NAB1: variants seen among roughly 807,000 people sequenced by gnomAD.
NAB1 encodes NGFI-A-binding protein 1.
A neutral mutation model predicts 49.9 loss-of-function variants in NAB1; 25 were observed. The ratio of observed to expected loss-of-function variants is 0.50; its 90% CI spans 0.37 to 0.70. The LOEUF (loss-of-function observed/expected upper bound fraction) is 0.70. NAB1 is among the 30% of genes least tolerant of loss of function. The probability of loss-of-function intolerance (pLI) is 0.00; values close to 1 mark genes in which losing one functional copy is unlikely to be tolerated. For synonymous variants in NAB1, 198 were observed against 215.6 expected (o/e 0.92, Z 0.71); for missense variants, 489 against 575.9 (o/e 0.85, Z 1.54).
rs1393974847 is a variant in NAB1, at chr2:190,675,664, T to C, written c.1005+2512T>C. 6.6e-6 allele frequency among the ~76,000 whole-genome samples: 1 copy of C among 152,180 alleles called. No individual in the cohort carries two copies. Among genetic ancestry groups the C allele is most frequent in the Non-Finnish European group, 1.5e-5 (1 of 68,028 alleles). Reference sequence around the variant, plus strand: ...CCTTCCTAAATAAGACAAGCGACAATCGGCCCCAGGCTTCTTTAAATGCTT... The same window carrying C: ...CCTTCCTAAATAAGACAAGCGACAACCGGCCCCAGGCTTCTTTAAATGCTT... On this transcript the variant is annotated intron_variant, in intron 6 of 9. Transcript: ENST00000337386. This position sits in a 1 kb window ranked among gnomAD's most constrained non-coding sequence, Gnocchi z 5.2.
chr2:190,654,664 G>A lies in NAB1; in HGVS notation c.-196-1313G>A, dbSNP rs1442253618. On this transcript the variant is annotated intron_variant, in intron 2 of 9. Coordinates refer to ENST00000337386, the MANE Select transcript of NAB1 (RefSeq NM_005966.4). This position sits in a 1 kb window ranked among gnomAD's most constrained non-coding sequence, Gnocchi z 5.6. ...TTTGGATTTCTTTCTCTGCACTGGT[G>A]GAGAAGTTCGCAAATCTGTAAACTT... Among the ~76,000 whole-genome samples the A allele has an allele frequency of 2.6e-5, 4 of 152,138 alleles. No individual in the cohort carries two copies. Among genetic ancestry groups the A allele is most frequent in the Non-Finnish European group, 5.9e-5 (4 of 68,022 alleles).
At chr2:190,662,099 AC>A (rs1186683936) in intron 4 of NAB1, among the ~76,000 whole-genome samples, 1 of 152,166 alleles carries the variant, frequency 6.6e-6, no homozygotes, top group Non-Finnish European at 1.5e-5. Context: ...TACATGACTT[AC>A]TCTTAATTCA....
chr2:190,683,297 AT>A (rs767640681), intron 6 of NAB1, among the ~76,000 whole-genome samples: 265 of 76,122 alleles, frequency 3.5e-3, no homozygotes, highest in Middle Eastern at 0.011. Context: ...CTCCCAGCTA[AT>A]TTTTTTTTTT....
chr2:190,674,553 G>A lies in NAB1; in HGVS notation c.1005+1401G>A, dbSNP rs921544851. Among the ~76,000 whole-genome samples the A allele has an allele frequency of 6.6e-6, 1 of 152,184 alleles. No individual in the cohort carries two copies. Among genetic ancestry groups the A allele is most frequent in the Non-Finnish European group, 1.5e-5 (1 of 68,032 alleles). ...TTATTATCAGTCTGCCCCATTAGATGAGAATAGGTCTCTTATCTGTGAATC... is the reference window on the plus strand; with the variant it reads ...TTATTATCAGTCTGCCCCATTAGATAAGAATAGGTCTCTTATCTGTGAATC... On this transcript the variant is annotated intron_variant, in intron 6 of 9. Coordinates refer to ENST00000337386, the MANE Select transcript of NAB1 (RefSeq NM_005966.4). The surrounding 1 kb of genome is among the most constrained non-coding windows in gnomAD (Gnocchi z 5.7).
chr2:190,650,304 T>C (rs1243566428), intron 2 of NAB1, among the ~76,000 whole-genome samples: 1 of 152,198 alleles, frequency 6.6e-6, no homozygotes, highest in Admixed American at 6.5e-5. Context: ...TTGGAGTAAC[T>C]TGTCACTACC....
rs1693672114 is a variant in NAB1 at position 190,651,619 on chromosome 2, G to A, written c.-197+1637G>A. 6.6e-6 allele frequency among the ~76,000 whole-genome samples: 1 copy of A among 152,068 alleles called. No individual in the cohort carries two copies. Among genetic ancestry groups the A allele is most frequent in the Non-Finnish European group, 1.5e-5 (1 of 68,012 alleles). ...TTGGCCTCAAACTCCTGGGGCCAAG[G>A]GATTATCCCACCTTAGCCTCCGAAG... On this transcript the variant is annotated intron_variant, in intron 2 of 9. Transcript: ENST00000337386. The surrounding 1 kb of genome is among the most constrained non-coding windows in gnomAD (Gnocchi z 4.3).
intron 9 of NAB1, among the ~76,000 whole-genome samples, chr2:190,687,720 C>A (rs902166652): frequency 6.6e-6 from 1 of 152,138 alleles, no homozygotes; most frequent in African/African-American, 2.4e-5. Context: ...AGTCTTTTTG[C>A]AAACTTCATA....
At chr2:190,653,915 A>AG (rs1693794575) in intron 2 of NAB1, 1 of 152,194 alleles carries the variant, frequency 6.6e-6, no homozygotes, top group African/African-American at 2.4e-5. Context: ...TTAAGAAAGA[A>AG]GAAGTATTAA....
Position 190,656,800 on chromosome 2 carries a change from A to T in NAB1, c.-20+647A>T, listed in dbSNP as rs1458267916. ...ATTTGTCTAACATATATTTTTTCTT[A>T]TTGCTCATAAAAAGATTTAAAAGTA... On this transcript the variant is annotated intron_variant, in intron 3 of 9. Coordinates refer to ENST00000337386, the MANE Select transcript of NAB1 (RefSeq NM_005966.4). Among the ~76,000 whole-genome samples, 15 of 152,000 alleles carry T rather than the reference A, an allele frequency of 9.9e-5. 1 individual carries two copies. The highest frequency in any genetic ancestry group is 9.8e-4 in the Admixed American group (15 of 15,262).
Position 190,651,716 on chromosome 2 carries a change from T to A in NAB1, c.-197+1734T>A, listed in dbSNP as rs1693677799. 6.6e-6 allele frequency among the ~76,000 whole-genome samples: 1 copy of A among 152,228 alleles called. No individual in the cohort carries two copies. Among genetic ancestry groups the A allele is most frequent in the South Asian group, 2.1e-4 (1 of 4,838 alleles). ...TTATAACAAGCCTGGAGCTGTTTTT[T>A]GTGAGTGCTATTTATGTACATTTTT... is the stretch of plus-strand genomic sequence containing the variant. On this transcript the variant is annotated intron_variant, in intron 2 of 9. Transcript: ENST00000337386. This position sits in a 1 kb window ranked among gnomAD's most constrained non-coding sequence, Gnocchi z 4.3.
chr2:190,648,972 G>A (rs919859429), upstream of NAB1: 4 of 149,162 alleles, frequency 2.7e-5, no homozygotes, highest in Admixed American at 6.7e-5. Context: ...ACAGCGCGGG[G>A]TGGGGGAGTG....
rs1424501162 is a variant in NAB1 at position 190,686,582 on chromosome 2, T to G, written c.1259-619T>G. 6.6e-6 allele frequency among the ~76,000 whole-genome samples: 1 copy of G among 152,140 alleles called. No individual in the cohort carries two copies. The highest frequency in any genetic ancestry group is 1.5e-5 in the Non-Finnish European group (1 of 68,008). ...TATTACAGGAACCTCTGAGTTGAGG[T>G]CTTGTTTAACTTCTCCAATTATCCT... On this transcript the variant is annotated intron_variant, in intron 8 of 9. Coordinates refer to ENST00000337386, the MANE Select transcript of NAB1 (RefSeq NM_005966.4). This position sits in a 1 kb window ranked among gnomAD's most constrained non-coding sequence, Gnocchi z 5.5.
chr2:190,659,015 T>C lies in NAB1; in HGVS notation c.-19-143T>C. ...TAGGAGTTCAGAATGAGATAAAGTATGTAGAGAGAATGCTGCCTTCACAGG... is the reference window on the plus strand; with the variant it reads ...TAGGAGTTCAGAATGAGATAAAGTACGTAGAGAGAATGCTGCCTTCACAGG... On this transcript the variant is annotated intron_variant, in intron 3 of 9. Transcript: ENST00000337386. This position sits in a 1 kb window ranked among gnomAD's most constrained non-coding sequence, Gnocchi z 6.2. 1 of 603,450 alleles carries C rather than the reference T, an allele frequency of 1.7e-6. No individual in the cohort carries two copies. Among genetic ancestry groups the C allele is most frequent in the Non-Finnish European group, 2.9e-6 (1 of 346,044 alleles). The allele number at this position is 603,450 out of a possible 1,614,324, so 37.4% of individuals were successfully genotyped here.
In NAB1 at chr2:190,652,483, A is replaced by G. The variant is rs1693719270; in HGVS notation, c.-197+2501A>G. On this transcript the variant is annotated intron_variant, in intron 2 of 9. Coordinates refer to ENST00000337386, the MANE Select transcript of NAB1 (RefSeq NM_005966.4). The surrounding 1 kb of genome is among the most constrained non-coding windows in gnomAD (Gnocchi z 4.2). ...GTTATCATTTAGCAAAATCTGGTTT[A>G]GTTTTTTCTAATTTTGGCAAGTAAA... 6.6e-6 allele frequency among the ~76,000 whole-genome samples: 1 copy of G among 152,166 alleles called. No homozygotes were observed. The highest frequency in any genetic ancestry group is 2.1e-4 in the South Asian group (1 of 4,836).
intron 9 of NAB1, among the ~76,000 whole-genome samples, chr2:190,688,062 G>T (rs536915856): frequency 1.3e-5 from 2 of 152,302 alleles, no homozygotes; most frequent in Non-Finnish European, 2.9e-5. Flanking sequence ...AAGTGAGTTA[G>T]ACCTAGTTAA....
Position 190,666,445 on chromosome 2 carries a change from G to A in NAB1, c.820-3881G>A, listed in dbSNP as rs757463112. On this transcript the variant is annotated intron_variant, in intron 4 of 9. Coordinates refer to ENST00000337386, the MANE Select transcript of NAB1 (RefSeq NM_005966.4). This position sits in a 1 kb window ranked among gnomAD's most constrained non-coding sequence, Gnocchi z 5.6. The stretch of plus-strand genomic sequence containing the variant: ...TAAGAGGCCGGGCATGGTGGCTCAC[G>A]CCTGTAATCCCAGCACTTTGGGAGG... 6.6e-6 allele frequency among the ~76,000 whole-genome samples: 1 copy of A among 152,172 alleles called. No homozygotes were observed. The highest frequency in any genetic ancestry group is 1.5e-5 in the Non-Finnish European group (1 of 68,030).
At chr2:190,688,343 A>G (rs557485109) in intron 9 of NAB1, among the ~76,000 whole-genome samples, 47 of 152,342 alleles carry the variant, frequency 3.1e-4, no homozygotes, top group Non-Finnish European at 5.6e-4. Context: ...ATGTCTTTCA[A>G]TTTTAGATCA....
intron 3 of NAB1, among the ~76,000 whole-genome samples, chr2:190,656,440 A>G (rs1203011789): frequency 1.3e-5 from 2 of 152,224 alleles, no homozygotes; most frequent in African/African-American, 4.8e-5. Context: ...TCTTAAAGCA[A>G]AAGCTTAGGA....
In NAB1 at chr2:190,690,516, G is replaced by A. The variant is rs551466856; in HGVS notation, c.*183G>A. ...AAGATAAAACAACAGCCACAAAAGA[G>A]AAAATCAAGAGTGTTGCAATCTATA... On this transcript the variant is annotated 3_prime_UTR_variant, in exon 10 of 10. Coordinates refer to ENST00000337386, the MANE Select transcript of NAB1 (RefSeq NM_005966.4). 4.0e-5 allele frequency: 21 copies of A among 524,966 alleles called. No homozygotes were observed. 32.5% of individuals were successfully genotyped at this position (524,966 alleles called of 1,614,324 possible).
Sources: gnomAD v4.1 joint callset for allele counts (sites outside exome capture counted in the v4.1 genomes callset) on GRCh38, gnomAD v4.1.1 for gene constraint, Gnocchi (gnomAD v3.1) non-coding constraint, MANE v1.5 for transcripts, NCBI Gene and HGNC (gene_info 2026-07-23, HGNC 2026-07-21) for gene names.